METTL24: variants seen among roughly 807,000 people sequenced by gnomAD.
METTL24 encodes the protein probable methyltransferase-like protein 24.
METTL24 carries 29 observed loss-of-function variants against 32.7 expected under a neutral mutation model. The observed-to-expected ratio is 0.89, with a 90% CI of 0.66 to 1.21. The LOEUF (loss-of-function observed/expected upper bound fraction) is 1.21. METTL24 is among the 50% of genes most tolerant of loss of function. METTL24 has a pLI of 0.00. For synonymous variants in METTL24, 163 were observed against 179.5 expected (o/e 0.91, Z 0.73); for missense variants, 439 against 468.1 (o/e 0.94, Z 0.57).
intron 4 of METTL24, among the ~76,000 whole-genome samples, chr6:110,289,028 T>C (rs1004664630): frequency 6.6e-6 from 1 of 152,182 alleles, no homozygotes; most frequent in Admixed American, 6.6e-5. Context: ...GGACCTCTGA[T>C]GGTTCAGTGT....
chr6:110,267,458 A>T (rs924592458), intron 4 of METTL24, among the ~76,000 whole-genome samples: 4 of 152,166 alleles, frequency 2.6e-5, no homozygotes, highest in African/African-American at 9.6e-5. Flanking sequence ...TAGATTAGAT[A>T]AAAAAACTTC....
intron 4 of METTL24, among the ~76,000 whole-genome samples, chr6:110,250,867 C>T (rs1200321657): frequency 6.6e-6 from 1 of 152,198 alleles, no homozygotes; most frequent in African/African-American, 2.4e-5. Flanking sequence ...AGTAGGGGCA[C>T]TTTGTCTTTG....
chr6:110,332,072 A>G (rs1338213677), intron 1 of METTL24, among the ~76,000 whole-genome samples: 1 of 152,226 alleles, frequency 6.6e-6, no homozygotes, highest in East Asian at 1.9e-4. Flanking sequence ...CTGCAGCATG[A>G]CACAGAGGGT....
chr6:110,284,727 C>T (rs1351590660), intron 4 of METTL24, among the ~76,000 whole-genome samples: 1 of 152,052 alleles, frequency 6.6e-6, no homozygotes, highest in Non-Finnish European at 1.5e-5. Context: ...AAATCTGGTA[C>T]TGTCTAGTTA....
chr6:110,350,281 A>T (rs1772568936), intron 1 of METTL24, among the ~76,000 whole-genome samples: 1 of 152,238 alleles, frequency 6.6e-6, no homozygotes, highest in Non-Finnish European at 1.5e-5. Flanking sequence ...CATTTTAGTC[A>T]TAATCAACTT....
chr6:110,330,042 T>C (rs938017396), intron 1 of METTL24, among the ~76,000 whole-genome samples: 2 of 152,242 alleles, frequency 1.3e-5, no homozygotes, highest in Non-Finnish European at 2.9e-5. Flanking sequence ...CTAGGCTGCC[T>C]GGCACCGGTG....
At chr6:110,260,879 G>A (rs902277529) in intron 4 of METTL24, among the ~76,000 whole-genome samples, 12 of 152,152 alleles carry the variant, frequency 7.9e-5, no homozygotes, top group African/African-American at 2.4e-4. Context: ...CTTCATAAGT[G>A]AAGGAGAAAT....
rs114933242 is a variant in METTL24 at position 110,249,753 on chromosome 6, C to T, written c.787-3493G>A. 4.4e-3 allele frequency among the ~76,000 whole-genome samples: 670 copies of T among 151,994 alleles called. 4 individuals carry two copies. The highest frequency in any genetic ancestry group is 0.015 in the African/African-American group (641 of 41,504). ...GAATAATCAAGTGCCGATCCTAATA[C>T]AGTTAGGATAAATCAGGTTTGTGGA... On this transcript the variant is annotated intron_variant, in intron 4 of 4. Transcript: ENST00000338882.
Position 110,341,484 on chromosome 6 carries a change from A to G in METTL24, c.318+16471T>C, listed in dbSNP as rs1321576865. On this transcript the variant is annotated intron_variant, in intron 1 of 4. Transcript: ENST00000338882. ...ATGAATATTCACTATTCAAAAGGAC[A>G]TGCCCTATCCTAATTATATAACCAG... Among the ~76,000 whole-genome samples the G allele has an allele frequency of 2.6e-5, 4 of 152,252 alleles. 1 individual carries two copies. In the South Asian group the frequency reaches 6.2e-4, roughly 24 times the overall value.
rs889840437 is a variant in METTL24, at chr6:110,358,106, G to A, written c.167C>T (p.Pro56Leu). The change falls in exon 1 of 5, where the codon CCG (proline) becomes CTG (leucine). Residue 56 changes from proline (P) to leucine (L), a missense_variant. By Grantham distance (98) the Pro-to-Leu change is moderately conservative (BLOSUM62 -3). Transcript: ENST00000338882. The part of the protein sequence containing the change: ...PPGPAWRPPG[P>L]HLPPAPGQPR... Reference sequence around the variant, plus strand: ...CTGGCCCGGCGCGGGCGGCAGGTGCGGCCCAGGTGGCCGCCAGGCCGGGCC... The same window carrying A: ...CTGGCCCGGCGCGGGCGGCAGGTGCAGCCCAGGTGGCCGCCAGGCCGGGCC... 2.9e-6 allele frequency: 3 copies of A among 1,021,046 alleles called. No individual in the cohort carries two copies. Among genetic ancestry groups the A allele is most frequent in the Non-Finnish European group, 3.5e-6 (3 of 854,498 alleles). 63.2% of individuals were successfully genotyped at this position (1,021,046 alleles called of 1,614,324 possible).
chr6:110,282,219 C>T (rs1322150620), intron 4 of METTL24, among the ~76,000 whole-genome samples: 1 of 152,168 alleles, frequency 6.6e-6, no homozygotes, highest in African/African-American at 2.4e-5. Flanking sequence ...CTCTTTAACA[C>T]TTTCTGCAGT....
intron 1 of METTL24, among the ~76,000 whole-genome samples, chr6:110,325,681 T>C (rs995144887): frequency 6.6e-6 from 1 of 152,226 alleles, no homozygotes; most frequent in Non-Finnish European, 1.5e-5. Context: ...CAGATGACCA[T>C]GAGAGACTGG....
intron 3 of METTL24, among the ~76,000 whole-genome samples, chr6:110,303,300 T>C (rs903272544): frequency 1.3e-5 from 2 of 151,920 alleles, no homozygotes; most frequent in South Asian, 2.1e-4. Flanking sequence ...GTGCCTGGAA[T>C]GCCAGCAAGA....
At chr6:110,273,238 A>G (rs1275309139) in intron 4 of METTL24, among the ~76,000 whole-genome samples, 1 of 152,062 alleles carries the variant, frequency 6.6e-6, no homozygotes, top group Admixed American at 6.6e-5. Flanking sequence ...TCCCTACTTT[A>G]TGCTTTTGTT....
intron 4 of METTL24, among the ~76,000 whole-genome samples, chr6:110,274,344 C>T (rs1405768728): frequency 2.6e-5 from 4 of 152,268 alleles, no homozygotes; most frequent in African/African-American, 4.8e-5. Context: ...CCGCTTGCCT[C>T]GGCCTCCCAA....
At chr6:110,329,727 C>T (rs1772080823) in intron 1 of METTL24, among the ~76,000 whole-genome samples, 1 of 152,188 alleles carries the variant, frequency 6.6e-6, no homozygotes, top group African/African-American at 2.4e-5. Flanking sequence ...CCCGGCCCTG[C>T]TTCAGAAAGA....
intron 4 of METTL24, among the ~76,000 whole-genome samples, chr6:110,265,128 GGAAA>G (rs56782773): frequency 0.055 from 6,459 of 117,576 alleles, 219 homozygotes; most frequent in East Asian, 0.1. Flanking sequence ...TAATAAAAAA[GGAAA>G]GAAAGAAAGA....
chr6:110,324,909 G>A (rs571225614), intron 1 of METTL24, among the ~76,000 whole-genome samples: 4 of 152,384 alleles, frequency 2.6e-5, no homozygotes, highest in Admixed American at 6.5e-5. Flanking sequence ...GGCACTCATG[G>A]TCAGGTGGGG....
intron 4 of METTL24, among the ~76,000 whole-genome samples, chr6:110,284,751 T>A (rs1771191616): frequency 6.6e-6 from 1 of 152,208 alleles, no homozygotes. Context: ...ATTTTTATTT[T>A]TTTAGTCTTA....
Sources: allele counts gnomAD v4.1 joint callset (sites outside exome capture counted in the v4.1 genomes callset), GRCh38; gene constraint gnomAD v4.1.1; transcripts MANE v1.5; gene names NCBI Gene and HGNC (gene_info 2026-07-23, HGNC 2026-07-21).